Variants in GRM7 observed in about 807,000 individuals in gnomAD.
GRM7 encodes the protein glutamate metabotropic receptor 7, also known as metabotropic glutamate receptor 7.
Under a neutral mutation model 84.5 loss-of-function variants are expected in GRM7, and 35 were observed. The ratio of observed to expected loss-of-function variants is 0.41; its 90% confidence interval spans 0.32 to 0.55. GRM7 has a LOEUF of 0.55. Ranked by LOEUF, GRM7 falls within the 20% of genes least tolerant of loss-of-function variation. The probability of loss-of-function intolerance (pLI) is 0.19; values close to 1 mark genes in which losing one functional copy is unlikely to be tolerated. For synonymous variants in GRM7, 487 were observed against 455.1 expected, an observed-to-expected ratio of 1.07 and a Z score of -0.89; for missense variants, 1,003 against 1,194.6, an observed-to-expected ratio of 0.84 and a Z score of 2.36.
At chr3:7,383,948 C>A (rs927138282) in intron 4 of GRM7, among the ~76,000 whole-genome samples, 1 of 152,080 alleles carries the variant, frequency 6.6e-6, no homozygotes, top group Non-Finnish European at 1.5e-5. Flanking sequence ...TAGAAACAAG[C>A]CATCTAAGTC....
At chr3:7,017,253 A>T (rs1277000984) in intron 1 of GRM7, among the ~76,000 whole-genome samples, 1 of 152,148 alleles carries the variant, frequency 6.6e-6, no homozygotes, top group Non-Finnish European at 1.5e-5. Context: ...TTTTCCTGAC[A>T]ATTTTCAACA....
At chr3:7,271,550 G>C (rs750947552) in intron 2 of GRM7, among the ~76,000 whole-genome samples, 11 of 119,300 alleles carry the variant, frequency 9.2e-5, no homozygotes, top group African/African-American at 3.4e-4. Flanking sequence ...CAGAGTGAGA[G>C]ACCGCCTCAA....
At chr3:7,122,174 T>C (rs1693249050) in intron 1 of GRM7, among the ~76,000 whole-genome samples, 1 of 152,202 alleles carries the variant, frequency 6.6e-6, no homozygotes, top group Admixed American at 6.5e-5. Context: ...CTAAGCTTGA[T>C]AAGCAGTTGT....
chr3:6,897,455 G>T (rs1352916572), intron 1 of GRM7, among the ~76,000 whole-genome samples: 1 of 152,174 alleles, frequency 6.6e-6, no homozygotes, highest in Non-Finnish European at 1.5e-5. Flanking sequence ...TAAGCTTGGA[G>T]CAGACCTGAC....
chr3:7,736,295 A>C (rs1702497047), intron 9 of GRM7, among the ~76,000 whole-genome samples: 1 of 152,214 alleles, frequency 6.6e-6, no homozygotes. Context: ...CAAATGTTTT[A>C]TCCTGCCCTA....
chr3:7,356,099 A>C (rs995327757), intron 4 of GRM7, among the ~76,000 whole-genome samples: 1 of 152,064 alleles, frequency 6.6e-6, no homozygotes, highest in African/African-American at 2.4e-5. Flanking sequence ...GATCAGACAC[A>C]TGTGATTTTA....
chr3:7,484,722 A>G (rs1038652514), intron 7 of GRM7, among the ~76,000 whole-genome samples: 5 of 152,132 alleles, frequency 3.3e-5, no homozygotes, highest in African/African-American at 1.2e-4. Flanking sequence ...TTCCTCATTA[A>G]ACTCCTTTTC....
intron 1 of GRM7, among the ~76,000 whole-genome samples, chr3:7,064,463 C>CATATATATATATAT (rs745409093): frequency 1.5e-4 from 13 of 87,382 alleles, no homozygotes; most frequent in African/African-American, 2.0e-4. Context: ...GATATATATA[C>CATATATATATATAT]ATATATATAT....
At chr3:7,480,830 A>G (rs1699100335) in intron 7 of GRM7, among the ~76,000 whole-genome samples, 2 of 152,198 alleles carry the variant, frequency 1.3e-5, no homozygotes, top group Admixed American at 6.5e-5. Context: ...TATTGAAGCA[A>G]CCTCGTTCAG....
At chr3:7,351,849 T>C (rs1308054283) in intron 4 of GRM7, among the ~76,000 whole-genome samples, 1 of 152,002 alleles carries the variant, frequency 6.6e-6, no homozygotes, top group Non-Finnish European at 1.5e-5. Flanking sequence ...GACTGAGGGC[T>C]GAGTTCCTTG....
intron 1 of GRM7, among the ~76,000 whole-genome samples, chr3:7,009,177 T>C (rs1438692432): frequency 6.6e-6 from 1 of 152,250 alleles, no homozygotes; most frequent in African/African-American, 2.4e-5. Context: ...AACTGGTGCC[T>C]AAACTTCTTC....
At position 6,958,007 on chromosome 3, in the gene GRM7, C is replaced by A. The variant is rs116159261; in HGVS notation, c.519+96100C>A. On this transcript the variant is annotated intron_variant, in intron 1 of 9. Transcript: ENST00000357716. ...GAACACAGAAGGATGTTTTAAATAACTCTGTTGAGGTAAAATTTACATGTA... is the reference window on the plus strand; with the variant it reads ...GAACACAGAAGGATGTTTTAAATAAATCTGTTGAGGTAAAATTTACATGTA... Among the ~76,000 whole-genome samples, 566 of 152,204 alleles carry A rather than the reference C, an allele frequency of 3.7e-3. 2 individuals are homozygous for A. Among genetic ancestry groups the A allele is most frequent in the Non-Finnish European group, 6.4e-3 (437 of 68,016 alleles).
chr3:7,270,621 C>T (rs1000749759), intron 2 of GRM7, among the ~76,000 whole-genome samples: 7 of 152,134 alleles, frequency 4.6e-5, no homozygotes, highest in Non-Finnish European at 8.8e-5. Flanking sequence ...TATTCTCATC[C>T]TCAAAGTGTA....
chr3:7,266,600 CT>C (rs561384757), intron 2 of GRM7, among the ~76,000 whole-genome samples: 8 of 151,144 alleles, frequency 5.3e-5, no homozygotes, highest in Middle Eastern at 6.8e-3. Context: ...AACAAAATGC[CT>C]TTTTTTTTAA....
intron 1 of GRM7, among the ~76,000 whole-genome samples, chr3:7,031,229 T>C (rs1036367511): frequency 2.6e-5 from 4 of 152,076 alleles, no homozygotes; most frequent in Non-Finnish European, 4.4e-5. Flanking sequence ...TGCTGTCTTT[T>C]GCTACAATCA....
At chr3:7,190,180 G>C (rs1695664173) in intron 2 of GRM7, among the ~76,000 whole-genome samples, 2 of 152,122 alleles carry the variant, frequency 1.3e-5, no homozygotes, top group African/African-American at 4.8e-5. Context: ...GACACTATCT[G>C]CAAATATCCT....
rs1694770105 is a variant in GRM7 at position 6,861,975 on chromosome 3, C to T, written c.519+68C>T. On this transcript the variant is annotated intron_variant, in intron 1 of 9. Coordinates refer to ENST00000357716, the MANE Select transcript of GRM7 (RefSeq NM_000844.4). The surrounding 1 kb of genome is among the most constrained non-coding windows in gnomAD (Gnocchi z 6.4). ...CTGCGCCCTTAACCCTAAAAGCTGG[C>T]TTGGACTCCGGTGGTGCGGGTCAGG... is the stretch of plus-strand genomic sequence containing the variant. 7.3e-7 allele frequency: 1 copy of T among 1,367,332 alleles called. No homozygotes were observed. Among genetic ancestry groups the T allele is most frequent in the Admixed American group, 2.0e-5 (1 of 49,328 alleles). The allele number at this position is 1,367,332 out of a possible 1,614,324, so 84.7% of individuals were successfully genotyped here. A position where few individuals can be genotyped will look rare whatever the true frequency, so the allele number is the denominator to read the frequency against.
chr3:7,395,528 G>T (rs1695176185), intron 4 of GRM7, among the ~76,000 whole-genome samples: 1 of 152,034 alleles, frequency 6.6e-6, no homozygotes, highest in African/African-American at 2.4e-5. Flanking sequence ...ACCTTGAATT[G>T]TAATAATCCC....
intron 4 of GRM7, among the ~76,000 whole-genome samples, chr3:7,315,647 G>A (rs1700556593): frequency 1.3e-5 from 2 of 152,108 alleles, no homozygotes. Flanking sequence ...CCTATATGAG[G>A]ATCCCACAAT....
Sources: allele counts gnomAD v4.1 joint callset (sites outside exome capture counted in the v4.1 genomes callset), GRCh38; gene constraint gnomAD v4.1.1; non-coding constraint Gnocchi (gnomAD v3.1); transcripts MANE v1.5; gene names NCBI Gene and HGNC (gene_info 2026-07-23, HGNC 2026-07-21).